SBF2: variants seen among roughly 807,000 people sequenced by gnomAD.
SBF2 encodes the protein SET binding factor 2, also known as myotubularin-related protein 13.
In SBF2, 112 loss-of-function variants were observed where a neutral mutation model predicts 225.2. The observed-to-expected ratio is 0.50, with a 90% CI of 0.43 to 0.58. The LOEUF (loss-of-function observed/expected upper bound fraction) is 0.58, where lower values mean the gene tolerates loss of function less well. Ranked by LOEUF, SBF2 falls within the 20% of genes least tolerant of loss-of-function variation. The pLI, the probability that SBF2 is intolerant of heterozygous loss-of-function variation, is 0.00. For synonymous variants in SBF2, 763 were observed against 773.3 expected, an observed-to-expected ratio of 0.99 and a Z score of 0.22; for missense variants, 1,996 against 2,206.2, an observed-to-expected ratio of 0.90 and a Z score of 1.91.
At chr11:10,041,829 G>A (rs770491967) in intron 3 of SBF2, among the ~76,000 whole-genome samples, 1 of 99,590 alleles carries the variant, frequency 1.0e-5, no homozygotes, top group Admixed American at 1.1e-4. Context: ...AGAAACTACA[G>A]TAGATTATGC....
intron 1 of SBF2, among the ~76,000 whole-genome samples, chr11:10,254,042 G>A (rs1960620528): frequency 6.6e-6 from 1 of 152,302 alleles, no homozygotes; most frequent in East Asian, 1.9e-4. Context: ...GTTGGAAGGA[G>A]TGTAAATTAG....
At chr11:10,109,085 C>G (rs566127436) in intron 2 of SBF2, among the ~76,000 whole-genome samples, 2 of 152,152 alleles carry the variant, frequency 1.3e-5, no homozygotes, top group Admixed American at 1.3e-4. Context: ...GGAAAATATG[C>G]TGAACATAAA....
chr11:9,818,783 G>A lies in SBF2; in HGVS notation c.3794-1759C>T, dbSNP rs1294557996. On this transcript the variant is annotated intron_variant, in intron 28 of 39. Coordinates refer to ENST00000256190, the MANE Select transcript of SBF2 (RefSeq NM_030962.4). ...GTTGCCCAGGCTGGAGTGCAATGGC[G>A]TGATCTCGGCTCACCACAGCCTCTG... is the stretch of plus-strand genomic sequence containing the variant. 5.3e-5 allele frequency among the ~76,000 whole-genome samples: 8 copies of A among 152,318 alleles called. No individual in the cohort carries two copies. In the East Asian group the frequency reaches 7.7e-4, roughly 15 times the overall value.
chr11:9,884,768 C>A (rs1243661812), intron 17 of SBF2, among the ~76,000 whole-genome samples: 1 of 152,162 alleles, frequency 6.6e-6, no homozygotes, highest in African/African-American at 2.4e-5. Flanking sequence ...CTTAGACTCT[C>A]CCATGTGTTT....
At chr11:9,860,826 T>A (rs1025088767) in intron 17 of SBF2, among the ~76,000 whole-genome samples, 5 of 152,146 alleles carry the variant, frequency 3.3e-5, no homozygotes, top group African/African-American at 1.2e-4. Flanking sequence ...TTTTAACAAA[T>A]CCTTATCAGA....
chr11:10,074,896 C>T (rs535515736), intron 2 of SBF2, among the ~76,000 whole-genome samples: 46 of 152,036 alleles, frequency 3.0e-4, no homozygotes, highest in Non-Finnish European at 2.6e-4. Context: ...TTCATTTTAC[C>T]CTCTGTATGT....
chr11:10,090,764 C>CAAAAAAAAAA (rs201577494), intron 2 of SBF2, among the ~76,000 whole-genome samples: 4,284 of 44,260 alleles, frequency 0.097, 637 homozygotes, highest in Non-Finnish European at 0.14. Flanking sequence ...GATTCCATCT[C>CAAAAAAAAAA]AAAAAAAAAA....
At chr11:10,238,268 G>T (rs1959158471) in intron 1 of SBF2, among the ~76,000 whole-genome samples, 1 of 151,930 alleles carries the variant, frequency 6.6e-6, no homozygotes, top group South Asian at 2.1e-4. Flanking sequence ...AACCAGCTGG[G>T]TGTGGTGGCG....
At chr11:9,990,640 T>C (rs1339841287) in intron 12 of SBF2, among the ~76,000 whole-genome samples, 4 of 152,200 alleles carry the variant, frequency 2.6e-5, no homozygotes, top group African/African-American at 9.6e-5. Flanking sequence ...GTCACCACTG[T>C]AGGCCAAACA....
At chr11:10,035,335 A>C (rs564972409) in intron 3 of SBF2, among the ~76,000 whole-genome samples, 93 of 152,292 alleles carry the variant, frequency 6.1e-4, no homozygotes, top group Admixed American at 1.2e-3. Context: ...AGCCAATACC[A>C]TTCAAGACAT....
intron 2 of SBF2, among the ~76,000 whole-genome samples, chr11:10,108,587 C>T (rs978825402): frequency 2.1e-4 from 29 of 136,340 alleles, no homozygotes; most frequent in Admixed American, 6.0e-4. Context: ...TGCAGTGGCG[C>T]GATCTCGGCT....
At chr11:10,207,402 A>C (rs940210798) in intron 1 of SBF2, among the ~76,000 whole-genome samples, 50 of 152,270 alleles carry the variant, frequency 3.3e-4, no homozygotes, top group African/African-American at 1.1e-3. Context: ...GGCAAAACAA[A>C]AATACAAATC....
rs147350002 is a variant in SBF2, at chr11:9,812,698, A to G, written c.3989T>C (p.Val1330Ala). 108 of 1,614,072 alleles carry G rather than the reference A, an allele frequency of 6.7e-5. No individual in the cohort carries two copies. Among genetic ancestry groups the G allele is most frequent in the Non-Finnish European group, 8.3e-5 (98 of 1,180,040 alleles). ...GEKSQLRNFK[V>A]EFALNCEFVP... is the part of the protein sequence containing the mutation. Reference sequence around the variant, plus strand: ...AAACTCACAATTTAAAGCAAATTCTACCTTGAAGTTCTGCGGATGAAGATT... The same window carrying G: ...AAACTCACAATTTAAAGCAAATTCTGCCTTGAAGTTCTGCGGATGAAGATT... The change falls in exon 30 of 40, where the codon GTA (valine) becomes GCA (alanine). Residue 1330 changes from valine (V) to alanine (A), a missense_variant. By Grantham distance (64) the Val-to-Ala change is moderately conservative. Coordinates refer to ENST00000256190, the MANE Select transcript of SBF2 (RefSeq NM_030962.4).
At chr11:10,043,584 T>C (rs1949739419) in intron 2 of SBF2, among the ~76,000 whole-genome samples, 1 of 36,580 alleles carries the variant, frequency 2.7e-5, no homozygotes, top group African/African-American at 6.9e-5. Context: ...AACACTTTCT[T>C]TTTTTTTTGA....
intron 2 of SBF2, among the ~76,000 whole-genome samples, chr11:10,150,094 T>A (rs976713856): frequency 6.6e-6 from 1 of 152,124 alleles, no homozygotes; most frequent in African/African-American, 2.4e-5. Flanking sequence ...AACCACCCAG[T>A]CTCTGCCATA....
chr11:10,228,910 A>T (rs1358343636), intron 1 of SBF2, among the ~76,000 whole-genome samples: 1 of 150,984 alleles, frequency 6.6e-6, no homozygotes, highest in Non-Finnish European at 1.5e-5. Flanking sequence ...TCCTCCTTGT[A>T]CCTCTGGTAG....
intron 2 of SBF2, among the ~76,000 whole-genome samples, chr11:10,061,538 C>T (rs1306748836): frequency 1.3e-5 from 2 of 152,112 alleles, no homozygotes; most frequent in Non-Finnish European, 2.9e-5. Context: ...CATTCCTATA[C>T]ACCAACAACA....
chr11:9,791,421 CAAAAAAAAAAAAAAA>C (rs11343948), intron 33 of SBF2, among the ~76,000 whole-genome samples: 1 of 125,456 alleles, frequency 8.0e-6, no homozygotes, highest in African/African-American at 3.1e-5. Context: ...ACCAGTTTAT[CAAAAAAAAAAAAAAA>C]AAAAGACTCA....
At chr11:10,131,881 A>AT (rs1356745617) in intron 2 of SBF2, among the ~76,000 whole-genome samples, 11 of 152,158 alleles carry the variant, frequency 7.2e-5, no homozygotes, top group African/African-American at 2.7e-4. Context: ...CAATTTAGCA[A>AT]TTTTTTATAG....
Sources: allele counts gnomAD v4.1 joint callset (sites outside exome capture counted in the v4.1 genomes callset), GRCh38; gene constraint gnomAD v4.1.1; transcripts MANE v1.5; gene names NCBI Gene and HGNC (gene_info 2026-07-23, HGNC 2026-07-21).